The following CDH18 variants were observed in gnomAD, a reference collection of about 807,000 sequenced individuals.
CDH18 encodes cadherin 18.
CDH18 carries 31 observed loss-of-function variants against 67.9 expected under a neutral mutation model. That is an observed-to-expected ratio of 0.46 (90% confidence interval 0.34 to 0.62). The LOEUF is 0.62. Among genes scored for constraint, CDH18 ranks in the 20% least tolerant of loss-of-function variants. The pLI, the probability that CDH18 is intolerant of heterozygous loss-of-function variation, is 0.01. For synonymous variants in CDH18, 362 were observed against 347.2 expected, an observed-to-expected ratio of 1.04 and a Z score of -0.48; for missense variants, 890 against 975.5, an observed-to-expected ratio of 0.91 and a Z score of 1.17.
chr5:20,401,230 A>C (rs960599730), intron 1 of CDH18, among the ~76,000 whole-genome samples: 3 of 152,222 alleles, frequency 2.0e-5, no homozygotes, highest in Non-Finnish European at 4.4e-5. Flanking sequence ...AATTTCGAAT[A>C]TATTTATACT....
At chr5:19,757,923 G>A (rs986336028) in intron 3 of CDH18, among the ~76,000 whole-genome samples, 2 of 152,154 alleles carry the variant, frequency 1.3e-5, no homozygotes, top group African/African-American at 2.4e-5. Flanking sequence ...GGCTGTAGTG[G>A]TGCAGCTGTC....
At chr5:19,510,275 T>G (rs1744914039) in intron 10 of CDH18, among the ~76,000 whole-genome samples, 1 of 152,092 alleles carries the variant, frequency 6.6e-6, no homozygotes, top group African/African-American at 2.4e-5. Context: ...AACTAAAGAA[T>G]ACAGATTCGG....
chr5:20,023,688 T>G (rs1738643651), intron 2 of CDH18, among the ~76,000 whole-genome samples: 1 of 151,792 alleles, frequency 6.6e-6, no homozygotes, highest in African/African-American at 2.4e-5. Context: ...AGAAAGGTAT[T>G]TATTTATGTA....
At chr5:19,803,583 C>T (rs542022981) in intron 3 of CDH18, among the ~76,000 whole-genome samples, 1 of 152,234 alleles carries the variant, frequency 6.6e-6, no homozygotes, top group South Asian at 2.1e-4. Context: ...GTAATTCAGC[C>T]TTTTCCCAGC....
At chr5:19,924,226 T>C (rs1293752190) in intron 2 of CDH18, among the ~76,000 whole-genome samples, 1 of 152,210 alleles carries the variant, frequency 6.6e-6, no homozygotes, top group Non-Finnish European at 1.5e-5. Flanking sequence ...ACAGAAATCC[T>C]GTCTCTAAAT....
At chr5:20,110,508 C>A (rs1258827881) in intron 2 of CDH18, among the ~76,000 whole-genome samples, 1 of 152,068 alleles carries the variant, frequency 6.6e-6, no homozygotes, top group Admixed American at 6.5e-5. Flanking sequence ...CATGGTGAAA[C>A]CCTATCACTA....
In CDH18 at chr5:19,924,446, G is replaced by A. The variant is rs552457689; in HGVS notation, c.-257+56614C>T. Among the ~76,000 whole-genome samples, 5 of 152,176 alleles carry A rather than the reference G, an allele frequency of 3.3e-5. No individual in the cohort carries two copies. The South Asian group carries it at 1.0e-3, about 32-fold the overall frequency. On this transcript the variant is annotated intron_variant, in intron 2 of 12. Transcript: ENST00000382275. The stretch of plus-strand genomic sequence containing the variant: ...GAGGTCAGGAGATCAAGATCAGCCT[G>A]GTCAACGTGGCAAAACCCCATCTCT...
chr5:20,486,516 A>G (rs1333550549), intron 1 of CDH18, among the ~76,000 whole-genome samples: 1 of 151,926 alleles, frequency 6.6e-6, no homozygotes, highest in Non-Finnish European at 1.5e-5. Context: ...TTAAAGTTTT[A>G]TTGTGACCAA....
chr5:20,124,687 G>A (rs1748672332), intron 2 of CDH18, among the ~76,000 whole-genome samples: 1 of 152,166 alleles, frequency 6.6e-6, no homozygotes, highest in Admixed American at 6.5e-5. Context: ...ACGCTAGAAT[G>A]TTAAGGCCTG....
At chr5:19,910,651 C>A (rs1340280830) in intron 2 of CDH18, among the ~76,000 whole-genome samples, 1 of 151,944 alleles carries the variant, frequency 6.6e-6, no homozygotes, top group Non-Finnish European at 1.5e-5. Context: ...GTAGCACAAA[C>A]ATCAAATCAA....
chr5:19,483,377 T>C lies in CDH18; in HGVS notation c.1806A>G (p.Ala602=). 6.2e-7 allele frequency: 1 copy of C among 1,614,158 alleles called. No individual in the cohort carries two copies. Among genetic ancestry groups the C allele is most frequent in the African/African-American group, 1.3e-5 (1 of 75,050 alleles). Residue 602 remains alanine (A), a synonymous_variant, in exon 12 of 13, where the codon GCA becomes GCG. Transcript: ENST00000382275. The part of the protein sequence containing the change: ...ERDGRVRTCH[A]EAFLSSAGLS... ...AACCAGCCGAGGACAGGAAGGCTTCTGCATGGCAGGTCCGCACACGCCCAT... is the reference window on the plus strand; with the variant it reads ...AACCAGCCGAGGACAGGAAGGCTTCCGCATGGCAGGTCCGCACACGCCCAT...
At chr5:20,224,777 T>G (rs1741483195) in intron 2 of CDH18, among the ~76,000 whole-genome samples, 1 of 152,100 alleles carries the variant, frequency 6.6e-6, no homozygotes, top group Admixed American at 6.6e-5. Context: ...GTAAATTTAT[T>G]TTTTCTAATT....
intron 2 of CDH18, among the ~76,000 whole-genome samples, chr5:19,949,846 C>T (rs1795617946): frequency 2.0e-5 from 3 of 151,834 alleles, no homozygotes; most frequent in African/African-American, 7.3e-5. Context: ...GGAATCTACC[C>T]AGAGGAAAAG....
At chr5:19,545,857 T>C (rs1019191243) in intron 8 of CDH18, among the ~76,000 whole-genome samples, 1 of 152,204 alleles carries the variant, frequency 6.6e-6, no homozygotes, top group Admixed American at 6.5e-5. Flanking sequence ...AACTTTGAGA[T>C]GATATATCAG....
At chr5:20,262,221 A>G (rs1341171253) in intron 1 of CDH18, among the ~76,000 whole-genome samples, 1 of 152,194 alleles carries the variant, frequency 6.6e-6, no homozygotes, top group African/African-American at 2.4e-5. Flanking sequence ...ATAAATTGGG[A>G]GAGAATTTTA....
intron 2 of CDH18, among the ~76,000 whole-genome samples, chr5:20,019,851 T>C (rs888509641): frequency 2.0e-5 from 3 of 152,008 alleles, no homozygotes; most frequent in African/African-American, 7.3e-5. Context: ...TTGGAAGAGA[T>C]TGGAGGGCTC....
At chr5:20,204,980 C>G (rs547123670) in intron 2 of CDH18, among the ~76,000 whole-genome samples, 1 of 151,186 alleles carries the variant, frequency 6.6e-6, no homozygotes, top group African/African-American at 2.4e-5. Flanking sequence ...CAAAGAAAAA[C>G]AGTAAGAAAG....
intron 2 of CDH18, among the ~76,000 whole-genome samples, chr5:20,095,608 A>AAAGAAGAAAG (rs1561786798): frequency 1.7e-4 from 24 of 139,948 alleles, no homozygotes; most frequent in Admixed American, 4.3e-4. Context: ...AGAAAGAAAG[A>AAAGAAGAAAG]AAAGAAAAGA....
chr5:19,649,323 T>A (rs945917214), intron 5 of CDH18, among the ~76,000 whole-genome samples: 1 of 152,056 alleles, frequency 6.6e-6, no homozygotes, highest in Admixed American at 6.6e-5. Flanking sequence ...CCTTTAAACA[T>A]AAGAAGCAAA....
Sources: gnomAD v4.1 joint callset for allele counts (sites outside exome capture counted in the v4.1 genomes callset) on GRCh38, gnomAD v4.1.1 for gene constraint, MANE v1.5 for transcripts, NCBI Gene and HGNC (gene_info 2026-07-23, HGNC 2026-07-21) for gene names.